The following ANKFN1 variants were observed in gnomAD, a reference collection of about 807,000 sequenced individuals.
The protein encoded by ANKFN1 is ankyrin repeat and fibronectin type III domain containing 1.
A neutral mutation model predicts 108.7 loss-of-function variants in ANKFN1; 74 were observed. That is an observed-to-expected ratio of 0.68 (90% CI 0.56 to 0.83). ANKFN1 has a LOEUF of 0.83. Among genes scored for constraint, ANKFN1 ranks in the 40% least tolerant of loss-of-function variants. The pLI, the probability that ANKFN1 is intolerant of heterozygous loss-of-function variation, is 0.00. For synonymous variants in ANKFN1, 547 were observed against 516.2 expected (o/e 1.06, Z -0.81); for missense variants, 1,505 against 1,382.3 (o/e 1.09, Z -1.41).
In ANKFN1 at chr17:56,466,428, A is replaced by T; in HGVS notation, c.1630A>T (p.Ile544Leu). The change falls in exon 15 of 21, where the codon ATA becomes TTA. Residue 544 changes from isoleucine to leucine, a missense_variant. Physicochemically the swap from Ile to Leu is conservative, Grantham distance 5 (BLOSUM62 2). Transcript: ENST00000682825. ...TAAAGATCGACATGGAAACATACTC[A>T]TAGTCACCATCAGGGAGGTGGAGAT... Reference protein sequence around the residue: ...PIKDRHGNILIVTIREVEMLY... With the variant: ...PIKDRHGNILLVTIREVEMLY... 6.2e-7 allele frequency: 1 copy of T among 1,614,214 alleles called. No individual in the cohort carries two copies. Among genetic ancestry groups the T allele is most frequent in the South Asian group, 1.1e-5 (1 of 91,080 alleles).
chr17:56,220,142 C>T (rs1915732013), intron 2 of ANKFN1, among the ~76,000 whole-genome samples: 2 of 152,210 alleles, frequency 1.3e-5, no homozygotes, highest in Admixed American at 1.3e-4. Context: ...CAACAAGGCA[C>T]TCCCAAATGA....
intron 4 of ANKFN1, among the ~76,000 whole-genome samples, chr17:56,330,933 C>T (rs1217377025): frequency 2.0e-5 from 3 of 152,128 alleles, no homozygotes; most frequent in African/African-American, 4.8e-5. Context: ...AATATATATA[C>T]ATTAAAGTGC....
intron 4 of ANKFN1, among the ~76,000 whole-genome samples, chr17:56,101,736 A>G (rs949477391): frequency 6.6e-6 from 1 of 152,152 alleles, no homozygotes; most frequent in Non-Finnish European, 1.5e-5. Flanking sequence ...TATTGGCAGC[A>G]AATTGAGATG....
At chr17:56,482,194 A>G (rs758516467) in intron 17 of ANKFN1, among the ~76,000 whole-genome samples, 162 bp from the exon 18 acceptor site, 30 of 152,210 alleles carry the variant, frequency 2.0e-4, no homozygotes, top group South Asian at 4.1e-4. Flanking sequence ...TTGATTTTAT[A>G]TAGCATTATT....
intron 4 of ANKFN1, among the ~76,000 whole-genome samples, chr17:56,126,218 A>C (rs111233074): frequency 6.6e-6 from 1 of 152,178 alleles, no homozygotes; most frequent in Non-Finnish European, 1.5e-5. Flanking sequence ...TATTAAATTA[A>C]GTCTGGAAAA....
intron 15 of ANKFN1, chr17:56,471,783 A>G (rs1021549682): frequency 1.3e-5 from 2 of 152,264 alleles, no homozygotes; most frequent in African/African-American, 4.8e-5. Flanking sequence ...GAAAGAAGCC[A>G]GACACAAAGT....
chr17:56,484,730 T>G (rs1012237770), intron 18 of ANKFN1, among the ~76,000 whole-genome samples: 6 of 152,202 alleles, frequency 3.9e-5, no homozygotes, highest in African/African-American at 1.4e-4. Context: ...CAGGGATATA[T>G]AATTGACAGA....
chr17:56,349,260 G>C (rs1358359047), intron 4 of ANKFN1, among the ~76,000 whole-genome samples: 1 of 152,102 alleles, frequency 6.6e-6, no homozygotes, highest in African/African-American at 2.4e-5. Context: ...AGAGCATCAG[G>C]AAGAATAGCT....
At position 56,514,814 on chromosome 17, in the gene ANKFN1, C is replaced by G. The variant is rs2051869649; in HGVS notation, c.*3545C>G. Among the ~76,000 whole-genome samples the G allele has an allele frequency of 1.3e-5, 2 of 152,088 alleles. No homozygotes were observed. Among genetic ancestry groups the G allele is most frequent in the African/African-American group, 4.8e-5 (2 of 41,430 alleles). ...CCTTGTTGTACTCCCCTAAAGAAAC[C>G]TTGTCCAGGAGCCACCTGGCAAACA... On this transcript the variant is annotated 3_prime_UTR_variant, in exon 21 of 21. Coordinates refer to ENST00000682825, the MANE Select transcript of ANKFN1 (RefSeq NM_001370326.1).
At chr17:56,458,482 A>C (rs1005155206) in intron 14 of ANKFN1, among the ~76,000 whole-genome samples, 3 of 152,150 alleles carry the variant, frequency 2.0e-5, no homozygotes, top group African/African-American at 2.4e-5. Context: ...ACTTATAAAA[A>C]AAAAACAAAT....
intron 4 of ANKFN1, among the ~76,000 whole-genome samples, chr17:56,094,776 T>C (rs968314627): frequency 6.7e-6 from 1 of 149,026 alleles, no homozygotes; most frequent in Non-Finnish European, 1.5e-5. Context: ...CACCTTGACC[T>C]CCCAAAGTGT....
intron 1 of ANKFN1, among the ~76,000 whole-genome samples, chr17:56,212,044 A>C (rs1915055700): frequency 6.6e-6 from 1 of 151,816 alleles, no homozygotes; most frequent in Non-Finnish European, 1.5e-5. Flanking sequence ...TATCATCAGC[A>C]AACAGTGACA....
At chr17:56,194,659 G>A (rs9303383) in intron 1 of ANKFN1, among the ~76,000 whole-genome samples, 108,035 of 152,046 alleles carry the variant, frequency 0.71, 38,881 homozygotes, top group East Asian at 0.94. Context: ...TGATACTATA[G>A]TGTTGGATAC....
intron 3 of ANKFN1, among the ~76,000 whole-genome samples, chr17:56,299,162 G>A (rs1414597163): frequency 1.3e-5 from 2 of 152,236 alleles, no homozygotes; most frequent in Non-Finnish European, 2.9e-5. Context: ...GGCAATAGCA[G>A]ATGAAATTGC....
chr17:56,162,262 TGC>T (rs2143509113), intron 1 of ANKFN1, among the ~76,000 whole-genome samples: 1 of 152,382 alleles, frequency 6.6e-6, no homozygotes, highest in South Asian at 2.1e-4. Flanking sequence ...TATGTTTATT[TGC>T]TTAGGGCCGC....
intron 4 of ANKFN1, among the ~76,000 whole-genome samples, chr17:56,344,508 G>T (rs934761753): frequency 6.6e-6 from 1 of 151,960 alleles, no homozygotes; most frequent in African/African-American, 2.4e-5. Flanking sequence ...GAGATTTTAG[G>T]ATCTTCTCAG....
intron 3 of ANKFN1, among the ~76,000 whole-genome samples, chr17:56,246,769 A>G (rs920653363): frequency 1.3e-5 from 2 of 152,136 alleles, no homozygotes; most frequent in African/African-American, 4.8e-5. Flanking sequence ...CCTTTGATAT[A>G]TGTAATACAT....
intron 3 of ANKFN1, among the ~76,000 whole-genome samples, chr17:56,321,374 C>G (rs761602329): frequency 6.6e-6 from 1 of 151,408 alleles, no homozygotes; most frequent in African/African-American, 2.4e-5. Flanking sequence ...CGGAAGTAGG[C>G]TGGCCAGGCT....
At chr17:56,047,751 C>T (rs376343490) in intron 4 of ANKFN1, among the ~76,000 whole-genome samples, 1 of 152,102 alleles carries the variant, frequency 6.6e-6, no homozygotes, top group African/African-American at 2.4e-5. Flanking sequence ...GCTCAGGTGG[C>T]CATCCAAGTG....
Sources: gnomAD v4.1 joint callset for allele counts (sites outside exome capture counted in the v4.1 genomes callset) on GRCh38, gnomAD v4.1.1 for gene constraint, MANE v1.5 for transcripts, NCBI Gene and HGNC (gene_info 2026-07-23, HGNC 2026-07-21) for gene names.